The following DOCK2 variants were observed in gnomAD, a reference collection of about 807,000 sequenced individuals.
DOCK2 encodes dedicator of cytokinesis protein 2.
DOCK2 carries 87 observed loss-of-function variants against 248.9 expected under a neutral mutation model. That is an observed-to-expected ratio of 0.35 (90% CI 0.29 to 0.42). DOCK2 has a LOEUF of 0.42. Ranked by LOEUF, DOCK2 falls within the 10% of genes least tolerant of loss-of-function variation. DOCK2 has a pLI of 1.00. For synonymous variants in DOCK2, 805 were observed against 821.6 expected, an observed-to-expected ratio of 0.98 and a Z score of 0.35; for missense variants, 1,747 against 2,300.2, an observed-to-expected ratio of 0.76 and a Z score of 4.92.
intron 27 of DOCK2, among the ~76,000 whole-genome samples, chr5:169,907,841 TGGCATCTAGTG>T (rs541327543): frequency 1.6e-3 from 238 of 152,326 alleles, no homozygotes; most frequent in African/African-American, 5.6e-3. Context: ...GGGGTGCTAC[TGGCATCTAGTG>T]GGTAGAGGGC....
At chr5:169,825,372 A>C (rs1042946835) in intron 26 of DOCK2, among the ~76,000 whole-genome samples, 2 of 152,116 alleles carry the variant, frequency 1.3e-5, no homozygotes, top group Non-Finnish European at 2.9e-5. Flanking sequence ...AACCAACCCA[A>C]ATATCCAACA....
intron 27 of DOCK2, among the ~76,000 whole-genome samples, chr5:169,901,268 T>TA (rs954072371): frequency 5.9e-5 from 9 of 152,116 alleles, no homozygotes; most frequent in African/African-American, 2.2e-4. Context: ...TTGTAACAGC[T>TA]AAAGGAAAGG....
At chr5:169,704,860 A>AC (rs1761175584) in intron 14 of DOCK2, among the ~76,000 whole-genome samples, 1 of 152,082 alleles carries the variant, frequency 6.6e-6, no homozygotes, top group African/African-American at 2.4e-5. Context: ...AAAATTAAAA[A>AC]ATTTTAAAAA....
chr5:170,021,447 A>G (rs74766676), intron 33 of DOCK2, among the ~76,000 whole-genome samples: 3,276 of 152,248 alleles, frequency 0.022, 124 homozygotes, highest in African/African-American at 0.074. Context: ...AATGTCCCAA[A>G]AAGAAATAAG....
At position 169,637,278 on chromosome 5, in the gene DOCK2, C is replaced by A; in HGVS notation, c.-49C>A. ...GAAGTGGGGCCCTGCGGCGCCCAGC[C>A]ACCCCCTGACGGCTTCCCCACGGGA... On this transcript the variant is annotated 5_prime_UTR_variant, in exon 1 of 52. Transcript: ENST00000520908. The A allele has an allele frequency of 7.0e-7, 1 of 1,432,198 alleles. No individual in the cohort carries two copies. 88.7% of individuals were successfully genotyped at this position (1,432,198 alleles called of 1,614,324 possible). A position where few individuals can be genotyped will look rare whatever the true frequency, so the allele number is the denominator to read the frequency against.
intron 20 of DOCK2, 71 bp from the exon 21 acceptor site, chr5:169,717,313 T>G (rs1167967616): frequency 7.9e-7 from 1 of 1,270,094 alleles, no homozygotes; most frequent in East Asian, 2.3e-5. Context: ...GGGGGTTGAA[T>G]TATGCCAGGT....
At chr5:170,071,434 C>A (rs563520696) in intron 46 of DOCK2, among the ~76,000 whole-genome samples, 1 of 152,362 alleles carries the variant, frequency 6.6e-6, no homozygotes, top group Non-Finnish European at 1.5e-5. Context: ...AGCAACCGAA[C>A]AAATGCTGAA....
At chr5:169,682,034 T>C (rs1286536362) in intron 7 of DOCK2, among the ~76,000 whole-genome samples, 155 bp downstream of exon 7, 1 of 152,240 alleles carries the variant, frequency 6.6e-6, no homozygotes, top group Non-Finnish European at 1.5e-5. Context: ...TAACTGTGGT[T>C]TCGTACTCAA....
chr5:169,728,370 T>C (rs10475922), intron 22 of DOCK2, among the ~76,000 whole-genome samples: 2,273 of 152,136 alleles, frequency 0.015, 66 homozygotes, highest in African/African-American at 0.052. Flanking sequence ...TAGCACAAGG[T>C]GAGTAATACT....
At position 169,840,786 on chromosome 5, in the gene DOCK2, C is replaced by G. The variant is rs1769911571; in HGVS notation, c.2733C>G (p.Ile911Met). The G allele has an allele frequency of 1.2e-6, 2 of 1,614,022 alleles. No homozygotes were observed. Among genetic ancestry groups the G allele is most frequent in the East Asian group, 4.5e-5 (2 of 44,850 alleles). ...AAFTYHHIQE[I>M]MVQLLRTVNR... ...TCACCTACCACCATATCCAGGAGAT[C>G]ATGGTCCAGCTGCTGCGGACAGTGA... Residue 911 changes from isoleucine (I) to methionine (M), a missense_variant, in exon 27 of 52, where the codon ATC becomes ATG. By Grantham distance (10) the Ile-to-Met change is conservative. Coordinates refer to ENST00000520908, the MANE Select transcript of DOCK2 (RefSeq NM_004946.3).
intron 6 of DOCK2, among the ~76,000 whole-genome samples, chr5:169,675,113 T>C (rs1759258191): frequency 6.6e-6 from 1 of 152,214 alleles, no homozygotes; most frequent in South Asian, 2.1e-4. Context: ...TCCCCACTTT[T>C]TTCCGATAAA....
At chr5:169,828,543 C>T (rs894393206) in intron 26 of DOCK2, among the ~76,000 whole-genome samples, 1 of 152,192 alleles carries the variant, frequency 6.6e-6, no homozygotes, top group Non-Finnish European at 1.5e-5. Flanking sequence ...GAATGAGCTT[C>T]TGATGTCTAT....
chr5:169,832,637 C>T (rs1769299032), intron 26 of DOCK2, among the ~76,000 whole-genome samples: 1 of 152,170 alleles, frequency 6.6e-6, no homozygotes, highest in Non-Finnish European at 1.5e-5. Flanking sequence ...AATCACATTC[C>T]CTCTAAGGGC....
At chr5:169,729,856 T>A (rs1762675166) in intron 22 of DOCK2, among the ~76,000 whole-genome samples, 1 of 152,172 alleles carries the variant, frequency 6.6e-6, no homozygotes, top group South Asian at 2.1e-4. Context: ...AACTGTGACC[T>A]TGGGCAAAGT....
At chr5:170,074,267 G>T (rs1182702220) in intron 46 of DOCK2, among the ~76,000 whole-genome samples, 1 of 152,060 alleles carries the variant, frequency 6.6e-6, no homozygotes, top group Admixed American at 6.6e-5. Flanking sequence ...AATTCATTCT[G>T]TTTTTTCTTC....
chr5:169,865,235 C>T (rs1038819119), intron 27 of DOCK2, among the ~76,000 whole-genome samples: 7 of 152,188 alleles, frequency 4.6e-5, no homozygotes, highest in Non-Finnish European at 8.8e-5. Context: ...CATTAACATA[C>T]GGACTGCATT....
chr5:169,661,803 A>G (rs1758462806), intron 2 of DOCK2, among the ~76,000 whole-genome samples: 1 of 152,108 alleles, frequency 6.6e-6, no homozygotes, highest in Non-Finnish European at 1.5e-5. Context: ...CTCCTTTTTA[A>G]AGGGTGAATA....
chr5:169,737,732 A>G (rs1763111403), intron 22 of DOCK2, among the ~76,000 whole-genome samples: 1 of 152,216 alleles, frequency 6.6e-6, no homozygotes, highest in Non-Finnish European at 1.5e-5. Flanking sequence ...AATTCCAGAC[A>G]GCTGAACACG....
At position 169,714,412 on chromosome 5, in the gene DOCK2, G is replaced by A. The variant is rs771194180; in HGVS notation, c.1896G>A (p.Glu632=). Residue 632 remains glutamate, a synonymous_variant, in exon 19 of 52, where the codon GAG becomes GAA. Transcript: ENST00000520908. ...KWRMKPQLLQ[E]NLEKLKIVDG... The stretch of plus-strand genomic sequence containing the variant: ...GTATGAAGCCTCAACTGCTACAGGA[G>A]AATTTAGAAAAGTTGAAGATTGTGG... The A allele has an allele frequency of 1.1e-4, 174 of 1,614,000 alleles. 3 individuals carry two copies. In the South Asian group the frequency reaches 1.7e-3, roughly 16 times the overall value.
Sources: allele counts gnomAD v4.1 joint callset (sites outside exome capture counted in the v4.1 genomes callset), GRCh38; gene constraint gnomAD v4.1.1; transcripts MANE v1.5; gene names NCBI Gene and HGNC (gene_info 2026-07-23, HGNC 2026-07-21).